SLC30A9: variants seen among roughly 807,000 people sequenced by gnomAD.
SLC30A9 encodes the protein proton-coupled zinc antiporter SLC30A9, mitochondrial.
A neutral mutation model predicts 87.5 loss-of-function variants in SLC30A9; 58 were observed. That is an observed-to-expected ratio of 0.66 (90% CI 0.54 to 0.82). The LOEUF (loss-of-function observed/expected upper bound fraction) is 0.82, where lower values mean the gene tolerates loss of function less well. Ranked by LOEUF, SLC30A9 falls within the 40% of genes least tolerant of loss-of-function variation. The pLI is 0.00. For missense variants in SLC30A9, 557 were observed against 679.1 expected, an observed-to-expected ratio of 0.82 and a Z score of 2.00; for synonymous variants, 234 against 233.0, an observed-to-expected ratio of 1.00 and a Z score of -0.04.
At chr4:42,028,546 A>G (rs1274915336) in intron 6 of SLC30A9, among the ~76,000 whole-genome samples, 2 of 152,244 alleles carry the variant, frequency 1.3e-5, no homozygotes, top group Non-Finnish European at 2.9e-5. Flanking sequence ...CCTTAGTTGG[A>G]CAAATTTATA....
intron 2 of SLC30A9, among the ~76,000 whole-genome samples, chr4:42,012,701 T>C (rs1441687636): frequency 6.6e-6 from 1 of 152,138 alleles, no homozygotes; most frequent in African/African-American, 2.4e-5. Flanking sequence ...TCTTTTTCTA[T>C]TTTTTTAATC....
At chr4:42,014,681 A>T (rs1715626845) in intron 2 of SLC30A9, among the ~76,000 whole-genome samples, 1 of 152,232 alleles carries the variant, frequency 6.6e-6, no homozygotes, top group Admixed American at 6.5e-5. Flanking sequence ...TGAATGGATA[A>T]AGAAGATATG....
At chr4:42,084,160 A>G (rs1395996733) in intron 17 of SLC30A9, among the ~76,000 whole-genome samples, 3 of 152,244 alleles carry the variant, frequency 2.0e-5, no homozygotes, top group African/African-American at 7.2e-5. Context: ...CAAAGTTTAT[A>G]AAGTCAAATA....
intron 6 of SLC30A9, among the ~76,000 whole-genome samples, chr4:42,028,541 G>A (rs2153136272): frequency 6.6e-6 from 1 of 152,338 alleles, no homozygotes; most frequent in South Asian, 2.1e-4. Context: ...AAAAGCCTTA[G>A]TTGGACAAAT....
intron 1 of SLC30A9, among the ~76,000 whole-genome samples, chr4:41,992,950 G>A (rs1482273214): frequency 1.3e-5 from 2 of 151,916 alleles, no homozygotes; most frequent in African/African-American, 4.8e-5. Context: ...GCCTGTGGCT[G>A]GGAAAAGCTT....
chr4:42,019,006 C>T (rs1401558650), intron 3 of SLC30A9, among the ~76,000 whole-genome samples: 2 of 78,590 alleles, frequency 2.5e-5, no homozygotes, highest in African/African-American at 5.3e-5. Flanking sequence ...TCTGTATTTC[C>T]TTATATTTTT....
At chr4:41,996,384 C>T (rs1714707362) in intron 1 of SLC30A9, among the ~76,000 whole-genome samples, 1 of 152,084 alleles carries the variant, frequency 6.6e-6, no homozygotes. Flanking sequence ...TGAGCCACTG[C>T]ACCTGGCCGA....
chr4:42,068,708 C>T (rs189793317), intron 14 of SLC30A9, among the ~76,000 whole-genome samples: 1 of 152,274 alleles, frequency 6.6e-6, no homozygotes, highest in African/African-American at 2.4e-5. Flanking sequence ...CACTTAATGC[C>T]AATAATAACT....
chr4:42,057,780 G>C (rs1022718177), intron 9 of SLC30A9, among the ~76,000 whole-genome samples: 1 of 152,076 alleles, frequency 6.6e-6, no homozygotes, highest in African/African-American at 2.4e-5. Flanking sequence ...GCAAATTTTT[G>C]AAACTTTTAT....
In SLC30A9 at chr4:42,018,162, A is replaced by G; in HGVS notation, c.326A>G (p.Gln109Arg). 1 of 1,524,550 alleles carries G rather than the reference A, an allele frequency of 6.6e-7. No individual in the cohort carries two copies. The highest frequency in any genetic ancestry group is 9.1e-7 in the Non-Finnish European group (1 of 1,102,628). The allele number at this position is 1,524,550 out of a possible 1,614,324, so 94.4% of individuals were successfully genotyped here. ...GCTCCACTTAAGCAAGAACCTCTCC[A>G]AGTAAGAGGTAAATATATTTTATCC... ...LKAPLKQEPL[Q>R]VRVKAVLKKR... The change falls in exon 3 of 18, where the codon CAA becomes CGA. Residue 109 changes from glutamine to arginine, a missense_variant. Transcript: ENST00000264451.
chr4:42,046,006 G>A (rs1044421868), intron 8 of SLC30A9, among the ~76,000 whole-genome samples: 8 of 152,146 alleles, frequency 5.3e-5, no homozygotes, highest in African/African-American at 1.9e-4. Context: ...AGTAGTTGCA[G>A]AAAAGCCCTT....
At chr4:42,026,694 A>G (rs1298514268) in intron 6 of SLC30A9, among the ~76,000 whole-genome samples, 1 of 146,820 alleles carries the variant, frequency 6.8e-6, no homozygotes, top group Admixed American at 7.1e-5. Flanking sequence ...TATGGCTGTT[A>G]AAAGCCCTAA....
Position 41,990,550 on chromosome 4 carries a change from G to T in SLC30A9, c.-102G>T. 5 of 647,710 alleles carry T rather than the reference G, an allele frequency of 7.7e-6. No homozygotes were observed. The highest frequency in any genetic ancestry group is 1.0e-5 in the Non-Finnish European group (4 of 390,146). The allele number at this position is 647,710 out of a possible 1,614,324, so 40.1% of individuals were successfully genotyped here. A position where few individuals can be genotyped will look rare whatever the true frequency, so the allele number is the denominator to read the frequency against. On this transcript the variant is annotated 5_prime_UTR_variant, in exon 1 of 18. Transcript: ENST00000264451. ...CACCCAGGCAGCTTGTGGCGGCGAA[G>T]CCATCGGTGTTCGCTGATGTCCAGT... is the stretch of plus-strand genomic sequence containing the variant.
At chr4:42,002,327 G>A (rs1715019563) in intron 2 of SLC30A9, among the ~76,000 whole-genome samples, 1 of 151,698 alleles carries the variant, frequency 6.6e-6, no homozygotes, top group African/African-American at 2.4e-5. Context: ...TTTGTTACAT[G>A]GTATTTTGTG....
chr4:42,014,709 A>C (rs973614260), intron 2 of SLC30A9, among the ~76,000 whole-genome samples: 10 of 152,232 alleles, frequency 6.6e-5, no homozygotes, highest in Non-Finnish European at 1.0e-4. Context: ...TATACAATGG[A>C]GTATTATTTA....
chr4:42,063,219 A>T, intron 11 of SLC30A9, 98 bp downstream of exon 11: 1 of 1,077,652 alleles, frequency 9.3e-7, no homozygotes, highest in Non-Finnish European at 1.4e-6. Flanking sequence ...GGAGAATGAC[A>T]TACACCTTCT....
In SLC30A9 at chr4:42,049,398, T is replaced by C; in HGVS notation, c.759T>C (p.Phe253=). ...CTAGCAATGGATTAAACTGCTTCTT[T>C]AAATTTCTTGCCTGGATTTATACCG... is the stretch of plus-strand genomic sequence containing the variant. ...AICINGLNCF[F]KFLAWIYTGS... is the part of the protein sequence containing the mutation. The change falls in exon 9 of 18, where the codon TTT becomes TTC. Residue 253 remains phenylalanine, a synonymous_variant. Transcript: ENST00000264451. The C allele has an allele frequency of 6.2e-7, 1 of 1,610,772 alleles. No homozygotes were observed. The highest frequency in any genetic ancestry group is 8.5e-7 in the Non-Finnish European group (1 of 1,177,868).
In SLC30A9 at chr4:42,075,649, G is replaced by T; in HGVS notation, c.1419-8G>T. ...AAATAAATTTGTATGCATTGTTATT[G>T]ATTGCAGGGCAATTCATGATGTTAA... is the stretch of plus-strand genomic sequence containing the variant. On this transcript the variant is annotated splice_polypyrimidine_tract_variant and splice_region_variant and intron_variant, in intron 15 of 17. Transcript: ENST00000264451. 1 of 1,611,498 alleles carries T rather than the reference G, an allele frequency of 6.2e-7. No individual in the cohort carries two copies. Among genetic ancestry groups the T allele is most frequent in the Non-Finnish European group, 8.5e-7 (1 of 1,178,128 alleles).
At chr4:42,004,138 G>A (rs1161583694) in intron 2 of SLC30A9, among the ~76,000 whole-genome samples, 5 of 152,106 alleles carry the variant, frequency 3.3e-5, no homozygotes, top group Non-Finnish European at 7.4e-5. Context: ...GATGTTACTC[G>A]ATTGTTTTTT....
Sources: gnomAD v4.1 joint callset for allele counts (sites outside exome capture counted in the v4.1 genomes callset) on GRCh38, gnomAD v4.1.1 for gene constraint, MANE v1.5 for transcripts, NCBI Gene and HGNC (gene_info 2026-07-23, HGNC 2026-07-21) for gene names.